NHEJ1: variants seen among roughly 807,000 people sequenced by gnomAD.
NHEJ1 encodes non-homologous end-joining factor 1.
A neutral mutation model predicts 39.4 loss-of-function variants in NHEJ1; 22 were observed. The observed-to-expected ratio is 0.56, with a 90% CI of 0.40 to 0.80. The LOEUF (loss-of-function observed/expected upper bound fraction) is 0.80, where lower values mean the gene tolerates loss of function less well. Ranked by LOEUF, NHEJ1 falls within the 30% of genes least tolerant of loss-of-function variation. The pLI is 0.00. For missense variants in NHEJ1, 329 were observed against 357.1 expected, an observed-to-expected ratio of 0.92 and a Z score of 0.63; for synonymous variants, 154 against 135.6, an observed-to-expected ratio of 1.14 and a Z score of -0.94.
rs543048404 is a variant in NHEJ1, at chr2:219,156,504, C to T, written c.390+968G>A. Among the ~76,000 whole-genome samples the T allele has an allele frequency of 2.2e-4, 33 of 152,306 alleles. No individual in the cohort carries two copies. The South Asian group carries it at 2.5e-3, about 11-fold the overall frequency. On this transcript the variant is annotated intron_variant, in intron 3 of 7. Transcript: ENST00000356853. ...GTTATTCCAGAAAACTAGTCTTTAACGTCCACTCTTAATTTCTAATAAAAT... is the reference window on the plus strand; with the variant it reads ...GTTATTCCAGAAAACTAGTCTTTAATGTCCACTCTTAATTTCTAATAAAAT...
In NHEJ1 at chr2:219,069,831, T is replaced by C. The variant is rs772081832; in HGVS notation, c.*6550A>G. The C allele has an allele frequency of 1.3e-5, 2 of 152,200 alleles. No individual in the cohort carries two copies. Among genetic ancestry groups the C allele is most frequent in the Admixed American group, 6.5e-5 (1 of 15,270 alleles). 9.4% of individuals were successfully genotyped at this position (152,200 alleles called of 1,614,324 possible). A position where few individuals can be genotyped will look rare whatever the true frequency, so the allele number is the denominator to read the frequency against. On this transcript the variant is annotated 3_prime_UTR_variant, in exon 8 of 8. Transcript: ENST00000356853. ...GAAGCCTATAAAGTTGGCTTAAACC[T>C]CATGTTGATTAAACCTCATGGTGTT... is the stretch of plus-strand genomic sequence containing the variant.
rs910818347 is a variant in NHEJ1, at chr2:219,157,972, T to C, written c.177+214A>G. ...CATAGGGTAGGGAAACTAACTTTCT[T>C]TCTCTCTCTCTCTCTCTCTCACACA... On this transcript the variant is annotated intron_variant, in intron 2 of 7. Coordinates refer to ENST00000356853, the MANE Select transcript of NHEJ1 (RefSeq NM_024782.3). Among the ~76,000 whole-genome samples the C allele has an allele frequency of 7.8e-4, 103 of 131,882 alleles. 1 individual carries two copies. In the South Asian group the frequency reaches 0.014, roughly 18 times the overall value. 86.5% of individuals were successfully genotyped at this position (131,882 alleles called of 152,430 possible).
intron 5 of NHEJ1, among the ~76,000 whole-genome samples, chr2:219,121,223 A>C (rs1949468585): frequency 6.6e-6 from 1 of 151,936 alleles, no homozygotes; most frequent in African/African-American, 2.4e-5. Context: ...AAAAAAAGAA[A>C]TCTAGGAAAG....
chr2:219,126,251 G>C (rs1029311243), intron 5 of NHEJ1, among the ~76,000 whole-genome samples: 2 of 152,182 alleles, frequency 1.3e-5, no homozygotes, highest in African/African-American at 4.8e-5. Flanking sequence ...AAGATAGCAT[G>C]GGATAATGGG....
At chr2:219,159,561 A>ATG (rs1949901118) in intron 1 of NHEJ1, among the ~76,000 whole-genome samples, 6 of 7,998 alleles carry the variant, frequency 7.5e-4, no homozygotes, top group African/African-American at 1.2e-3. Context: ...GCATATATAT[A>ATG]TGCATATATA....
chr2:219,099,167 G>C (rs1949234343), intron 5 of NHEJ1, among the ~76,000 whole-genome samples: 1 of 152,184 alleles, frequency 6.6e-6, no homozygotes, highest in South Asian at 2.1e-4. Flanking sequence ...TGCAATGATT[G>C]GTGATTACAA....
intron 5 of NHEJ1, among the ~76,000 whole-genome samples, chr2:219,107,916 T>C (rs1949328584): frequency 6.6e-6 from 1 of 151,396 alleles, no homozygotes; most frequent in South Asian, 2.1e-4. Flanking sequence ...GGAAACCAGA[T>C]GTACAAATGG....
chr2:219,137,687 T>C (rs1247910012), intron 5 of NHEJ1, among the ~76,000 whole-genome samples: 2 of 151,650 alleles, frequency 1.3e-5, no homozygotes, highest in Non-Finnish European at 2.9e-5. Context: ...ATTATCTTGC[T>C]AACTTTATTT....
intron 5 of NHEJ1, among the ~76,000 whole-genome samples, chr2:219,087,537 C>G (rs976913849): frequency 6.6e-6 from 1 of 152,168 alleles, no homozygotes; most frequent in African/African-American, 2.4e-5. Flanking sequence ...GCTGGGAACA[C>G]AGCCCACAGC....
At chr2:219,078,572 T>G (rs1425400485) in intron 5 of NHEJ1, among the ~76,000 whole-genome samples, 1 of 152,198 alleles carries the variant, frequency 6.6e-6, no homozygotes, top group South Asian at 2.1e-4. Context: ...TTTCATTAAA[T>G]TCATTCATAA....
chr2:219,112,038 T>TG (rs544012325), intron 5 of NHEJ1, among the ~76,000 whole-genome samples: 176 of 152,176 alleles, frequency 1.2e-3, no homozygotes, highest in African/African-American at 4.0e-3. Context: ...TCTCTGAAAG[T>TG]GGGGGTCAGA....
At chr2:219,096,842 G>C (rs1048059663) in intron 5 of NHEJ1, among the ~76,000 whole-genome samples, 1 of 152,192 alleles carries the variant, frequency 6.6e-6, no homozygotes, top group African/African-American at 2.4e-5. Context: ...GATCAGGTAA[G>C]AAGGGGCCTT....
rs1304869883 is a variant in NHEJ1 at position 219,075,035 on chromosome 2, G to C, written c.*1346C>G. 1.3e-5 allele frequency among the ~76,000 whole-genome samples: 2 copies of C among 152,214 alleles called. No individual in the cohort carries two copies. Among genetic ancestry groups the C allele is most frequent in the African/African-American group, 4.8e-5 (2 of 41,456 alleles). ...AAAAGAGGCAAGGTCATGGGATAAG[G>C]AGGTTTACAGTGGGAGACTGGAAAG... On this transcript the variant is annotated 3_prime_UTR_variant, in exon 8 of 8. Coordinates refer to ENST00000356853, the MANE Select transcript of NHEJ1 (RefSeq NM_024782.3).
intron 5 of NHEJ1, among the ~76,000 whole-genome samples, chr2:219,086,820 CT>C (rs1949115452): frequency 2.6e-5 from 4 of 152,148 alleles, no homozygotes; most frequent in African/African-American, 9.7e-5. Flanking sequence ...CAAGGTGGAA[CT>C]TCTCAAGGTG....
chr2:219,080,633 A>T (rs1949056422), intron 5 of NHEJ1, among the ~76,000 whole-genome samples: 1 of 140,622 alleles, frequency 7.1e-6, no homozygotes, highest in Non-Finnish European at 1.5e-5. Flanking sequence ...ATGCTAATAT[A>T]TATAAGCTTA....
intron 5 of NHEJ1, among the ~76,000 whole-genome samples, chr2:219,107,717 A>T (rs527635178): frequency 6.6e-6 from 1 of 152,254 alleles, no homozygotes; most frequent in African/African-American, 2.4e-5. Flanking sequence ...TTCCCATACC[A>T]CATGCCCTGC....
chr2:219,114,875 A>G (rs1368045570), intron 5 of NHEJ1, among the ~76,000 whole-genome samples: 1 of 152,212 alleles, frequency 6.6e-6, no homozygotes, highest in African/African-American at 2.4e-5. Flanking sequence ...ACCGGGTACC[A>G]GTGAGTGCTG....
At chr2:219,117,532 A>G (rs1949426800) in intron 5 of NHEJ1, among the ~76,000 whole-genome samples, 1 of 152,244 alleles carries the variant, frequency 6.6e-6, no homozygotes, top group Non-Finnish European at 1.5e-5. Flanking sequence ...ATGTTGGGGA[A>G]ACGCACAAGT....
rs1055030627 is a variant in NHEJ1, at chr2:219,071,511, C to T, written c.*4870G>A. Among the ~76,000 whole-genome samples the T allele has an allele frequency of 1.3e-5, 2 of 152,152 alleles. No individual in the cohort carries two copies. The highest frequency in any genetic ancestry group is 4.8e-5 in the African/African-American group (2 of 41,428). On this transcript the variant is annotated 3_prime_UTR_variant, in exon 8 of 8. Coordinates refer to ENST00000356853, the MANE Select transcript of NHEJ1 (RefSeq NM_024782.3). ...ACAATGCCGAGCTGGGATGGGCTTC[C>T]CCTTCCAGCTGCCAATATGAAAAAG...
Sources: gnomAD v4.1 joint callset for allele counts (sites outside exome capture counted in the v4.1 genomes callset) on GRCh38, gnomAD v4.1.1 for gene constraint, MANE v1.5 for transcripts, NCBI Gene and HGNC (gene_info 2026-07-23, HGNC 2026-07-21) for gene names.